The following GRIK2 variants were observed in gnomAD, a reference collection of about 807,000 sequenced individuals.
GRIK2 encodes the protein glutamate receptor ionotropic, kainate 2.
A neutral mutation model predicts 100.3 loss-of-function variants in GRIK2; 32 were observed. That is an observed-to-expected ratio of 0.32 (90% CI 0.24 to 0.43). GRIK2 has a LOEUF of 0.43. Ranked by LOEUF, GRIK2 falls within the 20% of genes least tolerant of loss-of-function variation. The pLI, the probability that GRIK2 is intolerant of heterozygous loss-of-function variation, is 1.00. For missense variants in GRIK2, 843 were observed against 1,114.9 expected, an observed-to-expected ratio of 0.76 and a Z score of 3.47; for synonymous variants, 417 against 389.4, an observed-to-expected ratio of 1.07 and a Z score of -0.83.
chr6:101,773,473 T>G, intron 7 of GRIK2, among the ~76,000 whole-genome samples: 1 of 128,250 alleles, frequency 7.8e-6, no homozygotes, highest in African/African-American at 3.3e-5. Flanking sequence ...AGCAAGACTT[T>G]GTCTCAAAAA....
chr6:101,575,564 C>T (rs1455336362), intron 2 of GRIK2, among the ~76,000 whole-genome samples: 2 of 151,852 alleles, frequency 1.3e-5, no homozygotes, highest in Non-Finnish European at 2.9e-5. Flanking sequence ...GGCTTTCTTG[C>T]ATATTGGGTG....
At chr6:101,747,583 C>T (rs1327911786) in intron 7 of GRIK2, among the ~76,000 whole-genome samples, 1 of 151,912 alleles carries the variant, frequency 6.6e-6, no homozygotes, top group African/African-American at 2.4e-5. Context: ...TGTTTTATAT[C>T]TGTAATAAAA....
At chr6:101,973,193 T>C (rs991439059) in intron 14 of GRIK2, among the ~76,000 whole-genome samples, 3 of 151,884 alleles carry the variant, frequency 2.0e-5, no homozygotes, top group Non-Finnish European at 2.9e-5. Flanking sequence ...CTGAAAGACT[T>C]TTTAAAAATG....
chr6:101,707,606 G>GTATATATATATATATATA (rs201561174), intron 7 of GRIK2, among the ~76,000 whole-genome samples: 1 of 122,934 alleles, frequency 8.1e-6, no homozygotes, highest in African/African-American at 3.6e-5. Flanking sequence ...ATATATGTGT[G>GTATATATATATATATATA]TATATATATA....
rs369620977 is a variant in GRIK2 at position 101,478,559 on chromosome 6, G to A, written c.115+79167G>A. Among the ~76,000 whole-genome samples, 9 of 142,552 alleles carry A rather than the reference G, an allele frequency of 6.3e-5. No individual in the cohort carries two copies. The East Asian group carries it at 1.7e-3, about 27-fold the overall frequency. The allele number at this position is 142,552 out of a possible 152,430, so 93.5% of individuals were successfully genotyped here. A position where few individuals can be genotyped will look rare whatever the true frequency, so the allele number is the denominator to read the frequency against. On this transcript the variant is annotated intron_variant, in intron 2 of 16. Coordinates refer to ENST00000369134, the MANE Select transcript of GRIK2 (RefSeq NM_021956.5). ...GATGGAGTCTCACTCGGTTGCCCAA[G>A]CTGGCGTGCAGTGGCGCGATCTCAG...
intron 2 of GRIK2, among the ~76,000 whole-genome samples, chr6:101,614,921 A>G (rs1779827083): frequency 6.6e-6 from 1 of 151,692 alleles, no homozygotes; most frequent in Admixed American, 6.6e-5. Context: ...GTTACAATTG[A>G]TTTAAAAGAG....
chr6:101,567,346 A>G (rs1435311001), intron 2 of GRIK2, among the ~76,000 whole-genome samples: 1 of 151,870 alleles, frequency 6.6e-6, no homozygotes, highest in Admixed American at 6.6e-5. Flanking sequence ...TTTGTTTCCA[A>G]TGCATCTTAC....
chr6:101,848,380 T>C lies in GRIK2; in HGVS notation c.1318-10907T>C, dbSNP rs560213833. 3.5e-4 allele frequency among the ~76,000 whole-genome samples: 53 copies of C among 152,292 alleles called. No individual in the cohort carries two copies. The South Asian group carries it at 0.011, about 30-fold the overall frequency. ...TGACAGAATTGAATAGTTGTGACTA[T>C]ATAGTTCATAAAGCCAAAAATATTT... is the stretch of plus-strand genomic sequence containing the variant. On this transcript the variant is annotated intron_variant, in intron 10 of 16. Transcript: ENST00000369134.
chr6:102,042,739 A>G (rs1463205565), intron 15 of GRIK2, among the ~76,000 whole-genome samples: 1 of 151,744 alleles, frequency 6.6e-6, no homozygotes, highest in East Asian at 1.9e-4. Context: ...CATTCCTAAC[A>G]CTATTCTAAT....
chr6:101,828,501 T>C (rs562550782), intron 10 of GRIK2, among the ~76,000 whole-genome samples: 3 of 151,726 alleles, frequency 2.0e-5, no homozygotes, highest in Non-Finnish European at 4.4e-5. Flanking sequence ...TTCGAAAGGA[T>C]AACAACATTG....
At chr6:101,767,913 A>G (rs1412327819) in intron 7 of GRIK2, among the ~76,000 whole-genome samples, 2 of 152,058 alleles carry the variant, frequency 1.3e-5, no homozygotes, top group East Asian at 3.9e-4. Context: ...GCCGGAGTGC[A>G]GTGGTGCAAT....
At chr6:101,726,239 T>C (rs1386762250) in intron 7 of GRIK2, among the ~76,000 whole-genome samples, 1 of 152,022 alleles carries the variant, frequency 6.6e-6, no homozygotes, top group Non-Finnish European at 1.5e-5. Flanking sequence ...AAAGTGGTTG[T>C]GCTTGCTTAG....
chr6:101,544,627 A>G (rs998870761), intron 2 of GRIK2, among the ~76,000 whole-genome samples: 4 of 152,048 alleles, frequency 2.6e-5, no homozygotes, highest in African/African-American at 9.7e-5. Flanking sequence ...TCTTTATGCT[A>G]TGTCTAAGTT....
chr6:101,500,596 G>C (rs1348905528), intron 2 of GRIK2, among the ~76,000 whole-genome samples: 1 of 152,038 alleles, frequency 6.6e-6, no homozygotes, highest in Non-Finnish European at 1.5e-5. Context: ...AGGTCAACTA[G>C]AGCTTAGAAG....
intron 10 of GRIK2, among the ~76,000 whole-genome samples, chr6:101,854,014 A>G (rs1404002608): frequency 3.3e-5 from 5 of 152,208 alleles, no homozygotes. Flanking sequence ...GATGCATGCC[A>G]TTATACATTT....
chr6:101,623,184 T>C (rs1352148754), intron 3 of GRIK2, among the ~76,000 whole-genome samples: 1 of 152,072 alleles, frequency 6.6e-6, no homozygotes, highest in African/African-American at 2.4e-5. Flanking sequence ...TTTAAGCTCA[T>C]TAATATTAAT....
intron 5 of GRIK2, among the ~76,000 whole-genome samples, chr6:101,680,027 C>T (rs973162086): frequency 6.6e-6 from 1 of 152,136 alleles, no homozygotes; most frequent in South Asian, 2.1e-4. Context: ...CATGAGCCAC[C>T]GCGCCTGGCC....
At chr6:101,482,249 C>A (rs1772570252) in intron 2 of GRIK2, among the ~76,000 whole-genome samples, 1 of 152,184 alleles carries the variant, frequency 6.6e-6, no homozygotes. Flanking sequence ...GGAGCACCTA[C>A]TATTGTCAGG....
At chr6:101,720,616 T>C (rs905961336) in intron 7 of GRIK2, among the ~76,000 whole-genome samples, 1 of 152,056 alleles carries the variant, frequency 6.6e-6, no homozygotes, top group Admixed American at 6.6e-5. Flanking sequence ...CATCTATTTT[T>C]ATGTACTTTT....
Sources: allele counts gnomAD v4.1 joint callset (sites outside exome capture counted in the v4.1 genomes callset), GRCh38; gene constraint gnomAD v4.1.1; transcripts MANE v1.5; gene names NCBI Gene and HGNC (gene_info 2026-07-23, HGNC 2026-07-21).